Variants in LEMD1 observed in about 807,000 individuals in gnomAD.
LEMD1 encodes the protein LEM domain containing 1.
A neutral mutation model predicts 17.4 loss-of-function variants in LEMD1; 18 were observed. The observed-to-expected ratio is 1.04, with a 90% CI of 0.72 to 1.54. LEMD1 has a LOEUF of 1.54. Among genes scored for constraint, LEMD1 ranks in the 40% most tolerant of loss-of-function variants. The pLI is 0.00. For synonymous variants in LEMD1, 88 were observed against 77.8 expected (o/e 1.13, Z -0.69); for missense variants, 195 against 210.4 (o/e 0.93, Z 0.45).
intron 1 of LEMD1, among the ~76,000 whole-genome samples, chr1:205,429,050 A>C (rs966885625): frequency 6.6e-6 from 1 of 152,360 alleles, no homozygotes; most frequent in Admixed American, 6.5e-5. Context: ...CGCCAGCCCC[A>C]GTCAAGTAAC....
intron 1 of LEMD1, among the ~76,000 whole-genome samples, chr1:205,443,346 A>G (rs74141211): frequency 0.02 from 3,033 of 152,038 alleles, 77 homozygotes; most frequent in African/African-American, 0.051. Flanking sequence ...TTCTTTCTTA[A>G]AAACAGCAGA....
At chr1:205,381,956 G>C in intron 5 of LEMD1, 100 bp from the exon 6 acceptor site, 1 of 1,135,390 alleles carries the variant, frequency 8.8e-7, no homozygotes. Context: ...GTGCAGTCAT[G>C]GTGGGGCTTT....
upstream of LEMD1, among the ~76,000 whole-genome samples, chr1:205,426,759 C>T (rs1444317232): frequency 1.3e-5 from 2 of 152,152 alleles, no homozygotes; most frequent in East Asian, 3.9e-4. Context: ...CCTTCAGGTT[C>T]CAGGATCCTT....
intron 4 of LEMD1, among the ~76,000 whole-genome samples, chr1:205,389,688 TA>T (rs1266348811): frequency 6.6e-6 from 1 of 152,236 alleles, no homozygotes; most frequent in Non-Finnish European, 1.5e-5. Context: ...ATAATGCAAT[TA>T]CTTCTTAAAG....
intron 1 of LEMD1, among the ~76,000 whole-genome samples, chr1:205,438,518 G>C (rs1666243507): frequency 6.6e-6 from 1 of 152,220 alleles, no homozygotes; most frequent in African/African-American, 2.4e-5. Context: ...GGAGGGCACA[G>C]GTGTCCAGAC....
chr1:205,402,127 C>T (rs1354105257), intron 4 of LEMD1, among the ~76,000 whole-genome samples: 3 of 152,110 alleles, frequency 2.0e-5, no homozygotes, highest in Non-Finnish European at 2.9e-5. Context: ...AGTTTGAAGT[C>T]GGGTAGCGTG....
chr1:205,444,476 C>A (rs1024437407), intron 1 of LEMD1, among the ~76,000 whole-genome samples: 16 of 151,542 alleles, frequency 1.1e-4, no homozygotes, highest in African/African-American at 3.9e-4. Context: ...CCTGCTGATC[C>A]TTTCCCTTGG....
chr1:205,389,363 T>A (rs1441306844), intron 4 of LEMD1, among the ~76,000 whole-genome samples: 9 of 152,114 alleles, frequency 5.9e-5, no homozygotes, highest in Non-Finnish European at 1.2e-4. Context: ...TTTGGTTTTT[T>A]AAAAATAATC....
chr1:205,381,693 A>G lies in LEMD1; in HGVS notation c.511T>C (p.Tyr171His). The G allele has an allele frequency of 6.2e-7, 1 of 1,614,256 alleles. No individual in the cohort carries two copies. Among genetic ancestry groups the G allele is most frequent in the Non-Finnish European group, 8.5e-7 (1 of 1,180,040 alleles). ...AGCGACTTATTTTCCACAGTCAGGT[A>G]GACAAACACCACAATGATGAAAATA... ...LGIFIIVVFV[Y>H]LTVENKSLFG The change falls in exon 6 of 6, where the codon TAC becomes CAC. Residue 171 changes from tyrosine (Y) to histidine (H), a missense_variant. By Grantham distance (83) the Tyr-to-His change is moderately conservative. Transcript: ENST00000367153.
intron 4 of LEMD1, among the ~76,000 whole-genome samples, chr1:205,407,917 C>T (rs548219695): frequency 3.0e-4 from 45 of 152,288 alleles, no homozygotes; most frequent in African/African-American, 9.9e-4. Flanking sequence ...AAAAAACCCA[C>T]ACATTTGGCA....
chr1:205,417,718 G>A lies in LEMD1; in HGVS notation c.206-1422C>T, dbSNP rs73070642. ...GGGGAAAGCTTTCAGTATCTGTGCCGCCTCCAATGTCGGGATTACAGGATT... is the reference window on the plus strand; with the variant it reads ...GGGGAAAGCTTTCAGTATCTGTGCCACCTCCAATGTCGGGATTACAGGATT... On this transcript the variant is annotated intron_variant, in intron 3 of 5. Transcript: ENST00000367153. Among the ~76,000 whole-genome samples, 1,410 of 152,016 alleles carry A rather than the reference G, an allele frequency of 9.3e-3. 19 individuals carry two copies. The highest frequency in any genetic ancestry group is 0.032 in the African/African-American group (1,314 of 41,446).
chr1:205,423,464 A>G (rs1195933065), upstream of LEMD1, among the ~76,000 whole-genome samples: 2 of 152,256 alleles, frequency 1.3e-5, no homozygotes, highest in African/African-American at 4.8e-5. Flanking sequence ...CCATTTAAAC[A>G]GTTAGACTAT....
At chr1:205,393,873 T>C (rs1395367191) in intron 4 of LEMD1, among the ~76,000 whole-genome samples, 1 of 137,874 alleles carries the variant, frequency 7.3e-6, no homozygotes. Flanking sequence ...AAAAAAAAAA[T>C]GGAAATCAGG....
chr1:205,416,094 G>T, intron 4 of LEMD1, 138 bp downstream of exon 4: 1 of 541,462 alleles, frequency 1.8e-6, no homozygotes, highest in Non-Finnish European at 3.1e-6. Flanking sequence ...GCATTAAAAT[G>T]ATCCTCTTTA....
intron 4 of LEMD1, among the ~76,000 whole-genome samples, chr1:205,391,701 A>G (rs995795299): frequency 5.9e-5 from 9 of 152,146 alleles, no homozygotes; most frequent in Admixed American, 3.3e-4. Context: ...GCACACCCCA[A>G]GGTGTCCCCA....
rs56198454 is a variant in LEMD1, at chr1:205,393,378, TAA to T, written c.271-9016_271-9015del. ...ACTTTATACCCAGTAGAATGGCTAT[TAA>T]AAAAAAAAAGGAAGACCGGGCACGG... On this transcript the variant is annotated intron_variant, in intron 4 of 5. Coordinates refer to ENST00000367153, the MANE Select transcript of LEMD1 (RefSeq NM_001199050.2). Among the ~76,000 whole-genome samples the T allele has an allele frequency of 7.3e-5, 7 of 95,242 alleles. No individual in the cohort carries two copies. The East Asian group carries it at 1.1e-3, about 15-fold the overall frequency. 62.5% of individuals were successfully genotyped at this position (95,242 alleles called of 152,430 possible).
chr1:205,449,235 G>A (rs1015911322), intron 1 of LEMD1, among the ~76,000 whole-genome samples: 3 of 152,168 alleles, frequency 2.0e-5, no homozygotes, highest in African/African-American at 4.8e-5. Flanking sequence ...CAAGGTCTCA[G>A]GGCCCTGGAA....
intron 1 of LEMD1, chr1:205,436,452 G>A (rs1301697168): frequency 2.0e-5 from 3 of 152,230 alleles, no homozygotes; most frequent in African/African-American, 7.2e-5. Flanking sequence ...ATTTAGAGAA[G>A]CGAACCCAGG....
chr1:205,448,318 T>C lies in LEMD1; in HGVS notation c.-39+1550A>G. On this transcript the variant is annotated intron_variant, in intron 1 of 3. Coordinates refer to the LEMD1 transcript ENST00000367154. This position sits in a 1 kb window ranked among gnomAD's most constrained non-coding sequence, Gnocchi z 4.7. ...GCAGGAGAAGGAGCTCGCCCCTCAC[T>C]GTAGCCCATGGCTTTTAGCCCTACA... 7.5e-6 allele frequency: 4 copies of C among 533,144 alleles called. No individual in the cohort carries two copies. The highest frequency in any genetic ancestry group is 5.6e-5 in the South Asian group (4 of 71,536). 33.0% of individuals were successfully genotyped at this position (533,144 alleles called of 1,614,324 possible).
Sources: gnomAD v4.1 joint callset for allele counts (sites outside exome capture counted in the v4.1 genomes callset) on GRCh38, gnomAD v4.1.1 for gene constraint, Gnocchi (gnomAD v3.1) non-coding constraint, MANE v1.5 for transcripts, NCBI Gene and HGNC (gene_info 2026-07-23, HGNC 2026-07-21) for gene names.